The following MTHFSD variants were observed in gnomAD, a reference collection of about 807,000 sequenced individuals.
The protein encoded by MTHFSD is methenyltetrahydrofolate synthase domain-containing protein.
A neutral mutation model predicts 31.1 loss-of-function variants in MTHFSD; 37 were observed. The ratio of observed to expected loss-of-function variants is 1.19; its 90% confidence interval spans 0.91 to 1.56. The LOEUF (loss-of-function observed/expected upper bound fraction) is 1.56, where lower values mean the gene tolerates loss of function less well. MTHFSD is among the 40% of genes most tolerant of loss of function. The pLI is 0.00. For synonymous variants in MTHFSD, 221 were observed against 206.9 expected (o/e 1.07, Z -0.59); for missense variants, 664 against 510.1 (o/e 1.30, Z -2.91).
chr16:86,555,072 A>C, intron 1 of MTHFSD, 97 bp downstream of exon 1: 2 of 1,501,750 alleles, frequency 1.3e-6, no homozygotes, highest in Non-Finnish European at 1.8e-6. Flanking sequence ...ATTCTGCCCC[A>C]TCCTCTGCCA....
chr16:86,540,179 G>C (rs1278033489), intron 7 of MTHFSD, among the ~76,000 whole-genome samples: 1 of 152,196 alleles, frequency 6.6e-6, no homozygotes, highest in Non-Finnish European at 1.5e-5. Context: ...ACCATGCAAA[G>C]GGATTATCAG....
rs955372740 is a variant in MTHFSD, at chr16:86,542,044, C to A, written c.555+57G>T. ...AGCAGATGAGTCTCCTTCCCCACCC[C>A]CTGCTCCCTCAGAAGAGAATGGCAG... is the stretch of plus-strand genomic sequence containing the variant. On this transcript the variant is annotated intron_variant, in intron 6 of 7. Coordinates refer to ENST00000360900, the MANE Select transcript of MTHFSD (RefSeq NM_001159377.2). This position sits in a 1 kb window ranked among gnomAD's most constrained non-coding sequence, Gnocchi z 4.6. 5.9e-6 allele frequency: 9 copies of A among 1,518,146 alleles called. No homozygotes were observed. In the Admixed American group the frequency reaches 1.2e-4, roughly 20 times the overall value. The allele number at this position is 1,518,146 out of a possible 1,614,324, so 94.0% of individuals were successfully genotyped here.
At position 86,542,088 on chromosome 16, in the gene MTHFSD, T is replaced by G; in HGVS notation, c.555+13A>C. The G allele has an allele frequency of 6.2e-7, 1 of 1,610,752 alleles. No individual in the cohort carries two copies. Among genetic ancestry groups the G allele is most frequent in the Non-Finnish European group, 8.5e-7 (1 of 1,177,894 alleles). On this transcript the variant is annotated intron_variant, in intron 6 of 7. Coordinates refer to ENST00000360900, the MANE Select transcript of MTHFSD (RefSeq NM_001159377.2). This position sits in a 1 kb window ranked among gnomAD's most constrained non-coding sequence, Gnocchi z 4.6. ...ATGGCAGTGGCTCTGCTCAGCCCAT[T>G]CATAAGGAGCACCTGGCAGTCGTGG...
chr16:86,531,624 C>T lies in MTHFSD; in HGVS notation c.*387G>A, dbSNP rs141443759. On this transcript the variant is annotated 3_prime_UTR_variant, in exon 8 of 8. Transcript: ENST00000360900. This position sits in a 1 kb window ranked among gnomAD's most constrained non-coding sequence, Gnocchi z 5.5. ...GCCAGGGCCTTTTGAGAGCCGGATC[C>T]TTTGTTCATCTTCTCCTGTTCAGCC... 1,285 of 163,792 alleles carry T rather than the reference C, an allele frequency of 7.8e-3. 3 individuals are homozygous for T. The highest frequency in any genetic ancestry group is 0.013 in the Non-Finnish European group (980 of 76,042). 10.1% of individuals were successfully genotyped at this position (163,792 alleles called of 1,614,324 possible). A position where few individuals can be genotyped will look rare whatever the true frequency, so the allele number is the denominator to read the frequency against.
intron 5 of MTHFSD, among the ~76,000 whole-genome samples, chr16:86,543,504 C>T (rs1971821234): frequency 6.6e-6 from 1 of 152,212 alleles, no homozygotes; most frequent in African/African-American, 2.4e-5. Context: ...ATAACGTATG[C>T]ATCCATCGGC....
Position 86,530,629 on chromosome 16 carries a change from A to T in MTHFSD, c.*1382T>A, listed in dbSNP as rs982301903. Reference sequence around the variant, plus strand: ...GAAAAAGGTAAACAAAAAAAAAAAAATAAGAATCTTTCAGAAAAAGAAGTA... The same window carrying T: ...GAAAAAGGTAAACAAAAAAAAAAAATTAAGAATCTTTCAGAAAAAGAAGTA... On this transcript the variant is annotated 3_prime_UTR_variant, in exon 8 of 8. Coordinates refer to ENST00000360900, the MANE Select transcript of MTHFSD (RefSeq NM_001159377.2). The T allele has an allele frequency of 2.6e-5, 4 of 151,946 alleles. No homozygotes were observed. The highest frequency in any genetic ancestry group is 4.4e-5 in the Non-Finnish European group (3 of 67,984). 9.4% of individuals were successfully genotyped at this position (151,946 alleles called of 1,614,324 possible).
intron 2 of MTHFSD, among the ~76,000 whole-genome samples, chr16:86,553,974 C>G (rs1973617127): frequency 6.6e-6 from 1 of 152,178 alleles, no homozygotes; most frequent in South Asian, 2.1e-4. Context: ...TTGTGTCTAG[C>G]TCAGGGATTG....
chr16:86,548,098 C>T (rs878952525), intron 4 of MTHFSD: 32 of 1,293,448 alleles, frequency 2.5e-5, no homozygotes, highest in Admixed American at 1.4e-4. Context: ...TCTCCCCAGT[C>T]GCTCTGGTGG....
intron 5 of MTHFSD, among the ~76,000 whole-genome samples, chr16:86,545,681 C>T (rs11643012): frequency 0.63 from 95,526 of 152,068 alleles, 31,541 homozygotes; most frequent in Non-Finnish European, 0.75. Flanking sequence ...TTCCCCCTCC[C>T]GTCGGTCCTG....
intron 2 of MTHFSD, chr16:86,553,742 G>A (rs1355407685): frequency 3.3e-5 from 5 of 152,840 alleles, no homozygotes; most frequent in Non-Finnish European, 5.8e-5. Flanking sequence ...GAGTGCGGGT[G>A]CACTGCACGG....
At chr16:86,541,525 G>A in intron 7 of MTHFSD, 172 bp downstream of exon 7, 1 of 872,916 alleles carries the variant, frequency 1.1e-6, no homozygotes. Flanking sequence ...CAGATTCTTA[G>A]GCCTGGGCCT....
At chr16:86,534,722 G>T (rs1023394737) in intron 7 of MTHFSD, among the ~76,000 whole-genome samples, 1 of 152,182 alleles carries the variant, frequency 6.6e-6, no homozygotes, top group Non-Finnish European at 1.5e-5. Flanking sequence ...GTGTGGCTAT[G>T]CATTTATCTG....
At position 86,541,766 on chromosome 16, in the gene MTHFSD, G is replaced by A. The variant is rs1000740579; in HGVS notation, c.612C>T (p.Ile204=). 7 of 1,614,114 alleles carry A rather than the reference G, an allele frequency of 4.3e-6. No individual in the cohort carries two copies. The highest frequency in any genetic ancestry group is 5.9e-6 in the Non-Finnish European group (7 of 1,180,054). Residue 204 remains isoleucine, a synonymous_variant, in exon 7 of 8, where the codon ATC becomes ATT. Transcript: ENST00000360900. ...TGGCGATGACTCTGGTTGGAGTGAGGATGTAGTCCACAGTGATGTCGTGCT... is the reference window on the plus strand; with the variant it reads ...TGGCGATGACTCTGGTTGGAGTGAGAATGTAGTCCACAGTGATGTCGTGCT... The part of the protein sequence containing the change: ...VEEHDITVDY[I]LTPTRVIATG...
chr16:86,535,382 C>T, intron 7 of MTHFSD: 1 of 985,366 alleles, frequency 1.0e-6, no homozygotes, highest in Non-Finnish European at 1.2e-6. Flanking sequence ...CCACGCCGAT[C>T]CCTGCCACAG....
chr16:86,539,984 A>T (rs1425241976), intron 7 of MTHFSD, among the ~76,000 whole-genome samples: 1 of 152,230 alleles, frequency 6.6e-6, no homozygotes, highest in Non-Finnish European at 1.5e-5. Context: ...TATTTGCCAA[A>T]GTCAATTTGA....
Position 86,532,292 on chromosome 16 carries a change from C to T in MTHFSD, c.871G>A (p.Glu291Lys), listed in dbSNP as rs557375594. ...CCTGGTGGGGAGCCAGGGGCTGCCT[C>T]CATGGAATTGGTTTCTGGTCCGGGT... ...DTPGPETNSM[E>K]AAPGSPPGEG... Residue 291 changes from glutamate (E) to lysine (K), a missense_variant, in exon 8 of 8, where the codon GAG becomes AAG. Transcript: ENST00000360900. 6.3e-7 allele frequency: 1 copy of T among 1,575,650 alleles called. No homozygotes were observed. Among genetic ancestry groups the T allele is most frequent in the Admixed American group, 1.9e-5 (1 of 53,282 alleles).
At position 86,542,845 on chromosome 16, in the gene MTHFSD, G is replaced by T. The variant is rs1385715837; in HGVS notation, c.443-632C>A. On this transcript the variant is annotated intron_variant, in intron 5 of 7. Coordinates refer to ENST00000360900, the MANE Select transcript of MTHFSD (RefSeq NM_001159377.2). This position sits in a 1 kb window ranked among gnomAD's most constrained non-coding sequence, Gnocchi z 4.6. ...CCTCTCTAGCCAAATCAGCTATTCA[G>T]AGACAAAAATGCAGGAAGACAGGAT... 3.3e-5 allele frequency among the ~76,000 whole-genome samples: 5 copies of T among 152,342 alleles called. No homozygotes were observed. The East Asian group carries it at 9.6e-4, about 29-fold the overall frequency.
chr16:86,554,788 G>C (rs934869312), intron 1 of MTHFSD, 37 bp from the exon 2 acceptor site: 6 of 1,551,048 alleles, frequency 3.9e-6, no homozygotes, highest in Non-Finnish European at 5.3e-6. Flanking sequence ...ACATACAAAG[G>C]AATTCCAGAG....
intron 7 of MTHFSD, chr16:86,535,595 TA>T (rs5818591): frequency 0.34 from 191,462 of 569,944 alleles, 22,120 homozygotes; most frequent in African/African-American, 0.57. Context: ...AATTCTATTC[TA>T]AAAAAAAAAA....
Sources: allele counts gnomAD v4.1 joint callset (sites outside exome capture counted in the v4.1 genomes callset), GRCh38; gene constraint gnomAD v4.1.1; non-coding constraint Gnocchi (gnomAD v3.1); transcripts MANE v1.5; gene names NCBI Gene and HGNC (gene_info 2026-07-23, HGNC 2026-07-21).